The following PTPRD variants were observed in gnomAD, a reference collection of about 807,000 sequenced individuals.
PTPRD encodes the protein receptor-type tyrosine-protein phosphatase delta.
Under a neutral mutation model 214.5 loss-of-function variants are expected in PTPRD, and 34 were observed. The ratio of observed to expected loss-of-function variants is 0.16; its 90% CI spans 0.12 to 0.21. PTPRD has a LOEUF of 0.21. Ranked by LOEUF, PTPRD falls within the 10% of genes least tolerant of loss-of-function variation. PTPRD has a pLI of 1.00. For missense variants in PTPRD, 2,545 were observed against 2,398.7 expected, an observed-to-expected ratio of 1.06 and a Z score of -1.27; for synonymous variants, 1,128 against 845.7, an observed-to-expected ratio of 1.33 and a Z score of -5.79.
intron 3 of PTPRD, among the ~76,000 whole-genome samples, chr9:10,325,044 T>C (rs9987798): frequency 0.31 from 47,602 of 151,884 alleles, 8,723 homozygotes; most frequent in African/African-American, 0.5. Flanking sequence ...TATGTTAAAG[T>C]TGGTACTCAG....
chr9:10,220,490 C>T (rs2099566573), intron 3 of PTPRD, among the ~76,000 whole-genome samples: 1 of 151,874 alleles, frequency 6.6e-6, no homozygotes, highest in Non-Finnish European at 1.5e-5. Flanking sequence ...TTGTGCTATA[C>T]TCATGAAAGT....
chr9:10,404,067 G>C (rs192000383), intron 2 of PTPRD, among the ~76,000 whole-genome samples: 7 of 151,810 alleles, frequency 4.6e-5, no homozygotes, highest in African/African-American at 1.4e-4. Flanking sequence ...GTCACTGTTG[G>C]ACAGGCCATG....
At chr9:10,210,102 C>A (rs1390209395) in intron 3 of PTPRD, among the ~76,000 whole-genome samples, 3 of 152,034 alleles carry the variant, frequency 2.0e-5, no homozygotes, top group African/African-American at 7.2e-5. Flanking sequence ...CTATTCATTT[C>A]TACAAATTAA....
At chr9:9,728,741 T>G (rs2098134748) in intron 7 of PTPRD, among the ~76,000 whole-genome samples, 1 of 152,190 alleles carries the variant, frequency 6.6e-6, no homozygotes, top group Non-Finnish European at 1.5e-5. Flanking sequence ...TAATGACAGT[T>G]AAGATTAAAG....
chr9:9,482,508 A>AAGGGGAGTTTATGGTTG (rs1188331044), intron 8 of PTPRD, among the ~76,000 whole-genome samples: 1 of 152,188 alleles, frequency 6.6e-6, no homozygotes, highest in East Asian at 1.9e-4. Flanking sequence ...CATTGTCCAG[A>AAGGGGAGTTTATGGTTG]TACTTGAGAA....
intron 9 of PTPRD, among the ~76,000 whole-genome samples, chr9:9,392,454 T>C (rs1252603044): frequency 6.6e-6 from 1 of 152,148 alleles, no homozygotes; most frequent in African/African-American, 2.4e-5. Context: ...TGAGATAAAA[T>C]TGTCTCATAT....
intron 5 of PTPRD, among the ~76,000 whole-genome samples, chr9:9,817,181 C>T (rs2761745): frequency 0.45 from 68,908 of 151,610 alleles, 18,626 homozygotes; most frequent in African/African-American, 0.76. Flanking sequence ...TTAAATTAAT[C>T]ATGACTGTGT....
At chr9:10,265,437 T>C (rs544646439) in intron 3 of PTPRD, among the ~76,000 whole-genome samples, 9 of 152,282 alleles carry the variant, frequency 5.9e-5, no homozygotes, top group African/African-American at 1.9e-4. Flanking sequence ...GAAAAGCCAT[T>C]ATAGAATAAC....
intron 7 of PTPRD, among the ~76,000 whole-genome samples, chr9:9,686,926 G>A (rs545654913): frequency 6.6e-6 from 1 of 151,728 alleles, no homozygotes; most frequent in Admixed American, 6.6e-5. Context: ...CTGTTGCTTG[G>A]TGCTACAGGA....
At chr9:9,907,974 T>C (rs1216063371) in intron 5 of PTPRD, among the ~76,000 whole-genome samples, 1 of 151,992 alleles carries the variant, frequency 6.6e-6, no homozygotes, top group South Asian at 2.1e-4. Flanking sequence ...TAATGTATCA[T>C]GTACCTGACC....
intron 3 of PTPRD, among the ~76,000 whole-genome samples, chr9:10,151,341 C>A (rs1176331975): frequency 8.2e-6 from 1 of 122,578 alleles, no homozygotes; most frequent in African/African-American, 3.1e-5. Context: ...CGGCTCACTG[C>A]AACCTTTGCC....
intron 12 of PTPRD, among the ~76,000 whole-genome samples, chr9:8,643,245 A>G (rs1327526639): frequency 6.6e-6 from 1 of 152,194 alleles, no homozygotes; most frequent in East Asian, 1.9e-4. Flanking sequence ...TAAATGTTTA[A>G]TATATCTTAT....
intron 5 of PTPRD, among the ~76,000 whole-genome samples, chr9:9,809,585 A>G (rs2046506810): frequency 6.6e-6 from 1 of 152,170 alleles, no homozygotes; most frequent in African/African-American, 2.4e-5. Context: ...TTTTACAATG[A>G]TTTATGCAGA....
intron 3 of PTPRD, among the ~76,000 whole-genome samples, chr9:10,041,972 A>G (rs931363850): frequency 2.6e-5 from 4 of 152,080 alleles, no homozygotes; most frequent in Non-Finnish European, 5.9e-5. Flanking sequence ...TCCTAGCTGA[A>G]GTAAAGCAGC....
intron 8 of PTPRD, among the ~76,000 whole-genome samples, chr9:9,476,812 C>T (rs953935664): frequency 7.2e-5 from 11 of 151,874 alleles, no homozygotes; most frequent in East Asian, 3.9e-4. Context: ...CTTGGCTCAC[C>T]GCAACCTCCA....
chr9:9,766,429 C>G (rs2098707528), intron 6 of PTPRD, among the ~76,000 whole-genome samples: 1 of 152,116 alleles, frequency 6.6e-6, no homozygotes, highest in South Asian at 2.1e-4. Context: ...AACCTAGATA[C>G]TTTTAGGTAG....
intron 11 of PTPRD, among the ~76,000 whole-genome samples, chr9:8,984,874 T>C (rs1470602793): frequency 2.0e-5 from 3 of 152,106 alleles, no homozygotes; most frequent in Non-Finnish European, 2.9e-5. Flanking sequence ...TTAACATGGA[T>C]TCCTTTTTCT....
rs544871491 is a variant in PTPRD at position 8,486,753 on chromosome 9, G to A, written c.2468-404C>T. ...ATTCGTTGAATATGTGCAATGTACC[G>A]GCGTCACGCTAAGTGCATTGCATAT... On this transcript the variant is annotated intron_variant, in intron 27 of 45. Transcript: ENST00000381196. Among the ~76,000 whole-genome samples, 7 of 152,170 alleles carry A rather than the reference G, an allele frequency of 4.6e-5. No individual in the cohort carries two copies. In the East Asian group the frequency reaches 5.8e-4, roughly 13 times the overall value.
At chr9:9,641,475 G>A (rs16929978) in intron 7 of PTPRD, among the ~76,000 whole-genome samples, 2,838 of 152,146 alleles carry the variant, frequency 0.019, 86 homozygotes, top group African/African-American at 0.065. Flanking sequence ...CACACTCCCC[G>A]CTAGAAATGA....
Sources: gnomAD v4.1 joint callset for allele counts (sites outside exome capture counted in the v4.1 genomes callset) on GRCh38, gnomAD v4.1.1 for gene constraint, MANE v1.5 for transcripts, NCBI Gene and HGNC (gene_info 2026-07-23, HGNC 2026-07-21) for gene names.